Variants in SLC14A2 observed in about 807,000 individuals in gnomAD.
SLC14A2 encodes urea transporter 2.
A neutral mutation model predicts 104.6 loss-of-function variants in SLC14A2; 91 were observed. The ratio of observed to expected loss-of-function variants is 0.87; its 90% CI spans 0.73 to 1.04. SLC14A2 has a LOEUF of 1.04. SLC14A2 is among the 50% of genes least tolerant of loss of function. The pLI is 0.00. For synonymous variants in SLC14A2, 476 were observed against 466.4 expected, an observed-to-expected ratio of 1.02 and a Z score of -0.27; for missense variants, 1,189 against 1,156.0, an observed-to-expected ratio of 1.03 and a Z score of -0.41.
intron 2 of SLC14A2, among the ~76,000 whole-genome samples, chr18:45,530,728 T>C (rs1334790769): frequency 1.3e-5 from 2 of 152,178 alleles, no homozygotes; most frequent in African/African-American, 2.4e-5. Flanking sequence ...CTTTAAGTTT[T>C]AGGGTACATG....
chr18:45,185,157 G>A, the SLC14A2 span, among the ~76,000 whole-genome samples: 1 of 152,174 alleles, frequency 6.6e-6, no homozygotes, highest in South Asian at 2.1e-4. Context: ...ACCACTTAGT[G>A]CTCCAGAAAC....
intron 1 of SLC14A2, among the ~76,000 whole-genome samples, chr18:45,293,727 G>A (rs2144173278): frequency 6.6e-6 from 1 of 152,318 alleles, no homozygotes; most frequent in Middle Eastern, 3.4e-3. Context: ...TTACGAAGAG[G>A]TTGTATTGTG....
chr18:45,368,303 T>C (rs1161007554), intron 1 of SLC14A2, among the ~76,000 whole-genome samples: 1 of 152,130 alleles, frequency 6.6e-6, no homozygotes, highest in Non-Finnish European at 1.5e-5. Flanking sequence ...TTAGAATATA[T>C]AGAAAAAGCA....
At chr18:45,220,562 TC>T (rs1293421945) in intron 1 of SLC14A2, among the ~76,000 whole-genome samples, 2 of 152,134 alleles carry the variant, frequency 1.3e-5, no homozygotes, top group Non-Finnish European at 2.9e-5. Flanking sequence ...TGTCTGTCTT[TC>T]TGTTGTCACA....
intron 1 of SLC14A2, among the ~76,000 whole-genome samples, chr18:45,242,420 G>C (rs941975453): frequency 6.6e-6 from 1 of 152,162 alleles, no homozygotes; most frequent in African/African-American, 2.4e-5. Context: ...GGAAACTAGA[G>C]GGAAAACTCG....
At chr18:45,596,210 G>A (rs908215763) in intron 2 of SLC14A2, among the ~76,000 whole-genome samples, 1 of 152,204 alleles carries the variant, frequency 6.6e-6, no homozygotes, top group Non-Finnish European at 1.5e-5. Flanking sequence ...ATGTGGAAAG[G>A]CCTGGCTTGC....
At chr18:45,633,173 G>A (rs2045371706) in intron 5 of SLC14A2, among the ~76,000 whole-genome samples, 1 of 152,208 alleles carries the variant, frequency 6.6e-6, no homozygotes, top group Admixed American at 6.5e-5. Flanking sequence ...ACCAAGGCAT[G>A]CAGAGATTAA....
chr18:45,465,677 A>C (rs191355517), intron 1 of SLC14A2, among the ~76,000 whole-genome samples: 33 of 152,208 alleles, frequency 2.2e-4, no homozygotes, highest in African/African-American at 6.3e-4. Context: ...ATGGACTCCC[A>C]AAATCAGTCA....
At chr18:45,419,977 A>G (rs1299234539) in intron 1 of SLC14A2, among the ~76,000 whole-genome samples, 1 of 152,230 alleles carries the variant, frequency 6.6e-6, no homozygotes, top group Non-Finnish European at 1.5e-5. Context: ...GTTCCAAAAT[A>G]TAATGGCTTA....
At chr18:45,443,941 G>A (rs753522824) in intron 1 of SLC14A2, among the ~76,000 whole-genome samples, 2 of 152,094 alleles carry the variant, frequency 1.3e-5, no homozygotes, top group Non-Finnish European at 2.9e-5. Context: ...CAGGCCTTAG[G>A]GAGAGAAAAC....
the SLC14A2 span, among the ~76,000 whole-genome samples, chr18:45,181,649 CTAAAAT>C: frequency 3.3e-5 from 5 of 151,936 alleles, no homozygotes; most frequent in African/African-American, 1.2e-4. Context: ...TTCAGATAAA[CTAAAAT>C]TAAAAGAAAT....
chr18:45,427,973 A>G (rs1275046775), intron 1 of SLC14A2, among the ~76,000 whole-genome samples: 1 of 152,198 alleles, frequency 6.6e-6, no homozygotes, highest in Non-Finnish European at 1.5e-5. Flanking sequence ...ATCTGAAACA[A>G]TAGGCATGAA....
At chr18:45,416,381 A>G (rs1165511817) in intron 1 of SLC14A2, among the ~76,000 whole-genome samples, 1 of 151,704 alleles carries the variant, frequency 6.6e-6, no homozygotes, top group East Asian at 1.9e-4. Context: ...AGCGTTTATC[A>G]CAGGAACATC....
chr18:45,206,991 C>T, the SLC14A2 span, among the ~76,000 whole-genome samples: 1 of 152,132 alleles, frequency 6.6e-6, no homozygotes. Flanking sequence ...CATGGAATGC[C>T]TGGGAATGTT....
At chr18:45,509,610 G>A (rs1307652619) in intron 2 of SLC14A2, among the ~76,000 whole-genome samples, 1 of 152,124 alleles carries the variant, frequency 6.6e-6, no homozygotes, top group Non-Finnish European at 1.5e-5. Flanking sequence ...AAATAAACTG[G>A]GCAGAATGGA....
chr18:45,514,509 G>A (rs770693043), intron 2 of SLC14A2, among the ~76,000 whole-genome samples: 6 of 152,170 alleles, frequency 3.9e-5, no homozygotes, highest in Non-Finnish European at 8.8e-5. Flanking sequence ...AACCATATCA[G>A]AGCTAGAAAA....
chr18:45,449,223 T>G (rs1417556799), intron 1 of SLC14A2, among the ~76,000 whole-genome samples: 1 of 152,196 alleles, frequency 6.6e-6, no homozygotes, highest in Non-Finnish European at 1.5e-5. Flanking sequence ...TCCTGTGCTC[T>G]TCAGACAAAC....
chr18:45,477,957 C>A (rs2087416558), intron 1 of SLC14A2, among the ~76,000 whole-genome samples: 1 of 152,198 alleles, frequency 6.6e-6, no homozygotes, highest in Non-Finnish European at 1.5e-5. Context: ...GACCACTTGG[C>A]TCCCTGGCTT....
intron 2 of SLC14A2, among the ~76,000 whole-genome samples, chr18:45,595,007 C>T (rs1022286099): frequency 4.6e-5 from 7 of 152,138 alleles, no homozygotes; most frequent in African/African-American, 1.7e-4. Context: ...GTAATCCTTT[C>T]CTCTTTCCAA....
Sources: allele counts gnomAD v4.1 joint callset (sites outside exome capture counted in the v4.1 genomes callset), GRCh38; gene constraint gnomAD v4.1.1; transcripts MANE v1.5; gene names NCBI Gene and HGNC (gene_info 2026-07-23, HGNC 2026-07-21).